Variants in JAKMIP1 observed in about 807,000 individuals in gnomAD.
The protein encoded by JAKMIP1 is janus kinase and microtubule interacting protein 1.
A neutral mutation model predicts 113.0 loss-of-function variants in JAKMIP1; 33 were observed. That is an observed-to-expected ratio of 0.29 (90% CI 0.22 to 0.39). JAKMIP1 has a LOEUF of 0.39. Among genes scored for constraint, JAKMIP1 ranks in the 10% least tolerant of loss-of-function variants. The pLI, the probability that JAKMIP1 is intolerant of heterozygous loss-of-function variation, is 1.00. For synonymous variants in JAKMIP1, 480 were observed against 459.9 expected, an observed-to-expected ratio of 1.04 and a Z score of -0.56; for missense variants, 813 against 1,080.5, an observed-to-expected ratio of 0.75 and a Z score of 3.47.
intron 1 of JAKMIP1, among the ~76,000 whole-genome samples, chr4:6,133,246 G>A (rs1279998857): frequency 1.3e-5 from 2 of 152,146 alleles, no homozygotes; most frequent in Admixed American, 6.5e-5. Flanking sequence ...GCAGACCTCC[G>A]CTCCTGCTCA....
chr4:6,167,347 C>T lies in JAKMIP1; in HGVS notation c.-148+32906G>A, dbSNP rs1723764882. ...AGTGGCCCTTGTCTCCCTCCAGCCT[C>T]CTCTGCTCTGGCCTGGACCACTCCA... On this transcript the variant is annotated intron_variant, in intron 1 of 20. Transcript: ENST00000409021. The surrounding 1 kb of genome is among the most constrained non-coding windows in gnomAD (Gnocchi z 5.3). Among the ~76,000 whole-genome samples the T allele has an allele frequency of 6.6e-6, 1 of 151,750 alleles. No homozygotes were observed. Among genetic ancestry groups the T allele is most frequent in the Non-Finnish European group, 1.5e-5 (1 of 67,944 alleles).
rs1721754542 is a variant in JAKMIP1, at chr4:6,089,560, T to G, written c.625-3931A>C. On this transcript the variant is annotated intron_variant, in intron 3 of 20. Transcript: ENST00000409021. This position sits in a 1 kb window ranked among gnomAD's most constrained non-coding sequence, Gnocchi z 5.3. ...CTCTAGTTAGCAGCAGAACCATGAC[T>G]CAAGTGCAGATTGTACTCTCCAAGC... 6.6e-6 allele frequency among the ~76,000 whole-genome samples: 1 copy of G among 152,162 alleles called. No individual in the cohort carries two copies. The highest frequency in any genetic ancestry group is 1.5e-5 in the Non-Finnish European group (1 of 68,028).
rs1686806719 is a variant in JAKMIP1 at position 6,150,963 on chromosome 4, A to T, written c.-147-37966T>A. Among the ~76,000 whole-genome samples the T allele has an allele frequency of 6.6e-6, 1 of 152,134 alleles. No individual in the cohort carries two copies. The highest frequency in any genetic ancestry group is 2.4e-5 in the African/African-American group (1 of 41,420). On this transcript the variant is annotated intron_variant, in intron 1 of 20. Transcript: ENST00000409021. The surrounding 1 kb of genome is among the most constrained non-coding windows in gnomAD (Gnocchi z 4.8). ...TGGGTCCCTGTCATCCACCAAAAGC[A>T]AAACACCTGGTGAAGGCTGCTGGGG...
rs1182123634 is a variant in JAKMIP1 at position 6,108,548 on chromosome 4, C to T, written c.130-2581G>A. Among the ~76,000 whole-genome samples the T allele has an allele frequency of 1.3e-5, 2 of 152,128 alleles. No individual in the cohort carries two copies. The highest frequency in any genetic ancestry group is 2.9e-5 in the Non-Finnish European group (2 of 68,028). ...GTGAGTCAGATTCACCCCTTTCCAT[C>T]CTCATCCTCATCCAATCCAGCAGCA... On this transcript the variant is annotated intron_variant, in intron 2 of 20. Transcript: ENST00000409021. This position sits in a 1 kb window ranked among gnomAD's most constrained non-coding sequence, Gnocchi z 5.6.
chr4:6,143,882 A>G lies in JAKMIP1; in HGVS notation c.-147-30885T>C, dbSNP rs1448704010. On this transcript the variant is annotated intron_variant, in intron 1 of 20. Coordinates refer to ENST00000409021, the MANE Select transcript of JAKMIP1 (RefSeq NM_001099433.2). This position sits in a 1 kb window ranked among gnomAD's most constrained non-coding sequence, Gnocchi z 4.9. ...AGGCCAGGCAAGCCCCATCCCTTCC[A>G]TTGATTGGCTGATGGCTCTGGGTGA... Among the ~76,000 whole-genome samples the G allele has an allele frequency of 6.6e-6, 1 of 152,228 alleles. No individual in the cohort carries two copies. Among genetic ancestry groups the G allele is most frequent in the Non-Finnish European group, 1.5e-5 (1 of 68,032 alleles).
rs1189408079 is a variant in JAKMIP1, at chr4:6,199,648, C to G, written c.-148+605G>C. ...CGGCGCCCACGTGGGCGGAGCAGCG[C>G]GAGGGTGTGCGTGGCAGGGGCCGCG... is the stretch of plus-strand genomic sequence containing the variant. On this transcript the variant is annotated intron_variant, in intron 1 of 20. Coordinates refer to ENST00000409021, the MANE Select transcript of JAKMIP1 (RefSeq NM_001099433.2). The surrounding 1 kb of genome is among the most constrained non-coding windows in gnomAD (Gnocchi z 5.6). Among the ~76,000 whole-genome samples, 1 of 151,606 alleles carries G rather than the reference C, an allele frequency of 6.6e-6. No individual in the cohort carries two copies. The highest frequency in any genetic ancestry group is 2.4e-5 in the African/African-American group (1 of 41,348).
chr4:6,196,529 C>T (rs1042712199), intron 1 of JAKMIP1, among the ~76,000 whole-genome samples: 2 of 152,230 alleles, frequency 1.3e-5, no homozygotes, highest in Admixed American at 6.5e-5. Flanking sequence ...ATGGCCACTA[C>T]GGACATGACG....
intron 19 of JAKMIP1, among the ~76,000 whole-genome samples, chr4:6,030,472 G>T (rs983121004): frequency 5.3e-5 from 8 of 152,136 alleles, no homozygotes; most frequent in African/African-American, 1.9e-4. Context: ...AATTCCCTGG[G>T]TGGTTTACCG....
intron 12 of JAKMIP1, among the ~76,000 whole-genome samples, chr4:6,056,023 G>A (rs893920569): frequency 1.3e-5 from 2 of 150,356 alleles, no homozygotes; most frequent in African/African-American, 2.5e-5. Flanking sequence ...CAGAGGTCGG[G>A]GCAGCCCTCC....
At chr4:6,182,789 C>T (rs559646627) in intron 1 of JAKMIP1, among the ~76,000 whole-genome samples, 9 of 152,246 alleles carry the variant, frequency 5.9e-5, no homozygotes, top group Non-Finnish European at 1.0e-4. Context: ...AGTGGAGTGA[C>T]AGTGTGAGTT....
chr4:6,099,251 G>C (rs1008124267), intron 3 of JAKMIP1, among the ~76,000 whole-genome samples: 5 of 152,136 alleles, frequency 3.3e-5, no homozygotes, highest in Non-Finnish European at 7.3e-5. Flanking sequence ...CCGTTTTGCT[G>C]TCTCTTCTCC....
chr4:6,085,431 T>A lies in JAKMIP1; in HGVS notation c.823A>T (p.Met275Leu). ...PPGIGDMVELMGVQDQHMDER... is the reference protein window; with the variant it reads ...PPGIGDMVELLGVQDQHMDER... ...CTGCTGCCCCTCACCTGGACGCCCA[T>A]GAGCTCCACCATGTCCCCGATCCCG... The change falls in exon 4 of 21, where the codon ATG becomes TTG. Residue 275 changes from methionine (M) to leucine (L), a missense_variant. Physicochemically the swap from Met to Leu is conservative, Grantham distance 15. Coordinates refer to ENST00000409021, the MANE Select transcript of JAKMIP1 (RefSeq NM_001099433.2). 3 of 1,613,192 alleles carry A rather than the reference T, an allele frequency of 1.9e-6. No individual in the cohort carries two copies. Among genetic ancestry groups the A allele is most frequent in the Non-Finnish European group, 2.5e-6 (3 of 1,179,938 alleles).
Position 6,080,755 on chromosome 4 carries a change from A to C in JAKMIP1, c.1102-443T>G, listed in dbSNP as rs1201701706. Among the ~76,000 whole-genome samples, 1 of 152,026 alleles carries C rather than the reference A, an allele frequency of 6.6e-6. No individual in the cohort carries two copies. Among genetic ancestry groups the C allele is most frequent in the Non-Finnish European group, 1.5e-5 (1 of 67,996 alleles). ...TTTTCTTTACAAATTACCCAGTCTC[A>C]GGTATGCCTTTATCAGCAGTGTGAA... On this transcript the variant is annotated intron_variant, in intron 6 of 20. Coordinates refer to ENST00000409021, the MANE Select transcript of JAKMIP1 (RefSeq NM_001099433.2). This position sits in a 1 kb window ranked among gnomAD's most constrained non-coding sequence, Gnocchi z 6.0.
In JAKMIP1 at chr4:6,094,689, C is replaced by T. The variant is rs1722566076; in HGVS notation, c.625-9060G>A. On this transcript the variant is annotated intron_variant, in intron 3 of 20. Transcript: ENST00000409021. The surrounding 1 kb of genome is among the most constrained non-coding windows in gnomAD (Gnocchi z 4.2). ...CTCTTATTAGGAAAGGAATGCAGATCCATTATAGAAAATGAAAAATACAGC... is the reference window on the plus strand; with the variant it reads ...CTCTTATTAGGAAAGGAATGCAGATTCATTATAGAAAATGAAAAATACAGC... Among the ~76,000 whole-genome samples, 2 of 152,236 alleles carry T rather than the reference C, an allele frequency of 1.3e-5. No individual in the cohort carries two copies. The highest frequency in any genetic ancestry group is 1.3e-4 in the Admixed American group (2 of 15,282).
Position 6,040,203 on chromosome 4 carries a change from G to A in JAKMIP1, c.2175+436C>T, listed in dbSNP as rs564043145. Among the ~76,000 whole-genome samples the A allele has an allele frequency of 3.3e-5, 5 of 152,230 alleles. No homozygotes were observed. Among genetic ancestry groups the A allele is most frequent in the East Asian group, 1.9e-4 (1 of 5,180 alleles). On this transcript the variant is annotated intron_variant, in intron 18 of 20. Coordinates refer to ENST00000409021, the MANE Select transcript of JAKMIP1 (RefSeq NM_001099433.2). This position sits in a 1 kb window ranked among gnomAD's most constrained non-coding sequence, Gnocchi z 5.8. The stretch of plus-strand genomic sequence containing the variant: ...GCAACCCAAATGCAGTATTACATCC[G>A]ACCTTATACCTCGTCCCTTCGGTTC...
rs1260894855 is a variant in JAKMIP1, at chr4:6,069,440, T to C, written c.1303-4432A>G. Among the ~76,000 whole-genome samples the C allele has an allele frequency of 6.6e-6, 1 of 152,184 alleles. No individual in the cohort carries two copies. The highest frequency in any genetic ancestry group is 1.5e-5 in the Non-Finnish European group (1 of 68,034). ...TTGTTGACTCGTTTCTACAGATGAA[T>C]CCAGATTCAGATTAAGATTCAGTTT... On this transcript the variant is annotated intron_variant, in intron 8 of 20. Coordinates refer to ENST00000409021, the MANE Select transcript of JAKMIP1 (RefSeq NM_001099433.2). The surrounding 1 kb of genome is among the most constrained non-coding windows in gnomAD (Gnocchi z 4.5).
In JAKMIP1 at chr4:6,199,791, G is replaced by A. The variant is rs1728248894; in HGVS notation, c.-148+462C>T. 6.6e-6 allele frequency among the ~76,000 whole-genome samples: 1 copy of A among 151,386 alleles called. No homozygotes were observed. The highest frequency in any genetic ancestry group is 2.4e-5 in the African/African-American group (1 of 41,270). On this transcript the variant is annotated intron_variant, in intron 1 of 20. Transcript: ENST00000409021. The surrounding 1 kb of genome is among the most constrained non-coding windows in gnomAD (Gnocchi z 5.6). ...TTTGCCACCTGGGCGGAGATCTGGG[G>A]GACTGTGACCTACCCTGCGGAAGAC...
At chr4:6,164,915 A>G (rs953254876) in intron 1 of JAKMIP1, among the ~76,000 whole-genome samples, 11 of 152,286 alleles carry the variant, frequency 7.2e-5, no homozygotes, top group South Asian at 6.2e-4. Context: ...AATGGAATCT[A>G]CTCCTGGTAA....
chr4:6,071,255 C>T (rs778696636), intron 8 of JAKMIP1, among the ~76,000 whole-genome samples: 7 of 150,866 alleles, frequency 4.6e-5, no homozygotes, highest in Non-Finnish European at 8.9e-5. Flanking sequence ...CTGGGCCTGA[C>T]CCCAGGCAGT....
Sources: allele counts gnomAD v4.1 joint callset (sites outside exome capture counted in the v4.1 genomes callset), GRCh38; gene constraint gnomAD v4.1.1; non-coding constraint Gnocchi (gnomAD v3.1); transcripts MANE v1.5; gene names NCBI Gene and HGNC (gene_info 2026-07-23, HGNC 2026-07-21).